Variants in SLC7A11 observed in about 807,000 individuals in gnomAD.
The protein encoded by SLC7A11 is cystine/glutamate transporter.
SLC7A11 carries 35 observed loss-of-function variants against 54.5 expected under a neutral mutation model. The observed-to-expected ratio is 0.64, with a 90% confidence interval of 0.49 to 0.85. SLC7A11 has a LOEUF of 0.85. Among genes scored for constraint, SLC7A11 ranks in the 40% least tolerant of loss-of-function variants. The pLI, the probability that SLC7A11 is intolerant of heterozygous loss-of-function variation, is 0.00. For synonymous variants in SLC7A11, 230 were observed against 225.2 expected, an observed-to-expected ratio of 1.02 and a Z score of -0.19; for missense variants, 583 against 618.1, an observed-to-expected ratio of 0.94 and a Z score of 0.60.
At chr4:138,228,904 A>T (rs1475395476) in intron 3 of SLC7A11, among the ~76,000 whole-genome samples, 1 of 152,136 alleles carries the variant, frequency 6.6e-6, no homozygotes, top group Admixed American at 6.5e-5. Flanking sequence ...AATTTGTATA[A>T]GCAAAAACTT....
intron 7 of SLC7A11, among the ~76,000 whole-genome samples, chr4:138,184,397 G>A (rs892960696): frequency 6.6e-6 from 1 of 152,080 alleles, no homozygotes; most frequent in Admixed American, 6.6e-5. Flanking sequence ...AAGAGTGAAT[G>A]GTCTCTTACT....
intron 6 of SLC7A11, among the ~76,000 whole-genome samples, chr4:138,207,985 A>G (rs534598236): frequency 2.6e-4 from 39 of 152,220 alleles, no homozygotes; most frequent in African/African-American, 8.9e-4. Flanking sequence ...GCAGCATCTG[A>G]ACTGAATGCA....
intron 6 of SLC7A11, among the ~76,000 whole-genome samples, chr4:138,196,431 A>C (rs1737133031): frequency 6.6e-6 from 1 of 152,170 alleles, no homozygotes; most frequent in Admixed American, 6.5e-5. Flanking sequence ...AGCACAAGGA[A>C]GACTCACTTC....
intron 6 of SLC7A11, among the ~76,000 whole-genome samples, chr4:138,191,103 G>C (rs1433482275): frequency 6.6e-6 from 1 of 152,154 alleles, no homozygotes; most frequent in African/African-American, 2.4e-5. Context: ...GCAAGAGAAA[G>C]AAAACATTCA....
rs1406647877 is a variant in SLC7A11, at chr4:138,183,187, C to G, written c.1019+15G>C. ...AAACAGAAATGTGTTTCTGGAAATACATGAACTCACTCACCTGGAGACAGC... is the reference window on the plus strand; with the variant it reads ...AAACAGAAATGTGTTTCTGGAAATAGATGAACTCACTCACCTGGAGACAGC... On this transcript the variant is annotated intron_variant, in intron 8 of 11. Coordinates refer to ENST00000280612, the MANE Select transcript of SLC7A11 (RefSeq NM_014331.4). The G allele has an allele frequency of 6.4e-7, 1 of 1,557,680 alleles. No homozygotes were observed. Among genetic ancestry groups the G allele is most frequent in the Non-Finnish European group, 8.8e-7 (1 of 1,130,460 alleles).
intron 6 of SLC7A11, among the ~76,000 whole-genome samples, chr4:138,204,264 ATTACT>A (rs1195481749): frequency 2.0e-5 from 3 of 152,062 alleles, no homozygotes; most frequent in Non-Finnish European, 4.4e-5. Context: ...GGCATGAGAA[ATTACT>A]TCACTACTCT....
chr4:138,207,190 T>C (rs1360969138), intron 6 of SLC7A11, among the ~76,000 whole-genome samples: 2 of 152,046 alleles, frequency 1.3e-5, no homozygotes, highest in Non-Finnish European at 1.5e-5. Flanking sequence ...TAAAAACATA[T>C]AACTTGAGTA....
rs1345785606 is a variant in SLC7A11, at chr4:138,241,776, G to A, written c.277+17C>T. On this transcript the variant is annotated intron_variant, in intron 1 of 11. Coordinates refer to ENST00000280612, the MANE Select transcript of SLC7A11 (RefSeq NM_014331.4). ...GCCCCACAGCCACGCCCCCACGAGA[G>A]AAAAAGTCGCACTCACCAAATAGTG... 1 of 1,590,812 alleles carries A rather than the reference G, an allele frequency of 6.3e-7. No individual in the cohort carries two copies.
At chr4:138,236,500 A>ACACC in intron 1 of SLC7A11, 49 bp from the exon 2 acceptor site, 1 of 1,548,752 alleles carries the variant, frequency 6.5e-7, no homozygotes, top group Non-Finnish European at 8.8e-7. Context: ...CATTTTCAAG[A>ACACC]CACCCAGCAT....
At chr4:138,179,180 T>A (rs1349716970) in intron 11 of SLC7A11, 37 bp downstream of exon 11, 1 of 1,398,404 alleles carries the variant, frequency 7.2e-7, no homozygotes, top group African/African-American at 1.4e-5. Flanking sequence ...TTCTACATGG[T>A]GTTGCACAAT....
chr4:138,210,801 T>C lies in SLC7A11; in HGVS notation c.791+3784A>G, dbSNP rs545339172. On this transcript the variant is annotated intron_variant, in intron 6 of 11. Transcript: ENST00000280612. Reference sequence around the variant, plus strand: ...AATGCTTATACACTGTTGGTGGGAATGTAAATTAGTTCAGCCTCTGTGGAA... The same window carrying C: ...AATGCTTATACACTGTTGGTGGGAACGTAAATTAGTTCAGCCTCTGTGGAA... Among the ~76,000 whole-genome samples the C allele has an allele frequency of 2.2e-4, 33 of 152,256 alleles. No individual in the cohort carries two copies. In the East Asian group the frequency reaches 6.2e-3, roughly 28 times the overall value.
intron 6 of SLC7A11, among the ~76,000 whole-genome samples, chr4:138,200,649 A>G (rs530623203): frequency 4.6e-5 from 7 of 152,166 alleles, no homozygotes; most frequent in Non-Finnish European, 8.8e-5. Flanking sequence ...ACTTATAAAT[A>G]TAGACAAATT....
intron 6 of SLC7A11, among the ~76,000 whole-genome samples, chr4:138,189,398 G>A (rs1369936841): frequency 2.6e-5 from 4 of 152,084 alleles, no homozygotes; most frequent in East Asian, 1.9e-4. Flanking sequence ...GGCTCAGAGA[G>A]GTTGAGTGAC....
In SLC7A11 at chr4:138,170,222, T is replaced by C. The variant is rs1391861182; in HGVS notation, c.*1734A>G. Reference sequence around the variant, plus strand: ...AAGTTCCACTATATATATATATATATATATATAAAAAGTGTGTGTGTGTGT... The same window carrying C: ...AAGTTCCACTATATATATATATATACATATATAAAAAGTGTGTGTGTGTGT... On this transcript the variant is annotated 3_prime_UTR_variant, in exon 12 of 12. Transcript: ENST00000280612. 3.1e-5 allele frequency: 4 copies of C among 130,184 alleles called. No homozygotes were observed. Among genetic ancestry groups the C allele is most frequent in the Admixed American group, 2.4e-4 (3 of 12,608 alleles). 8.1% of individuals were successfully genotyped at this position (130,184 alleles called of 1,614,324 possible).
At chr4:138,203,056 A>T (rs1737325304) in intron 6 of SLC7A11, among the ~76,000 whole-genome samples, 1 of 152,122 alleles carries the variant, frequency 6.6e-6, no homozygotes, top group South Asian at 2.1e-4. Context: ...CACACTTATA[A>T]GAAAAAGGAA....
chr4:138,214,489 G>T, intron 6 of SLC7A11, 96 bp downstream of exon 6: 1 of 621,530 alleles, frequency 1.6e-6, no homozygotes, highest in Non-Finnish European at 2.8e-6. Flanking sequence ...AGGTTGACTA[G>T]CCCACACTGA....
chr4:138,204,608 C>T (rs62324382), intron 6 of SLC7A11, among the ~76,000 whole-genome samples: 61,666 of 151,616 alleles, frequency 0.41, 13,444 homozygotes, highest in Middle Eastern at 0.6. Flanking sequence ...CTTGGTAAGA[C>T]AGTAAACCTA....
rs964287052 is a variant in SLC7A11, at chr4:138,183,055, T to A, written c.1019+147A>T. On this transcript the variant is annotated intron_variant, in intron 8 of 11. Transcript: ENST00000280612. ...TAATGGACAGAATAAAACGTGCTGT[T>A]GATACTTGGACCAATATTTCAATCT... The A allele has an allele frequency of 6.4e-6, 4 of 622,058 alleles. No homozygotes were observed. The Admixed American group carries it at 1.2e-4, about 18-fold the overall frequency. 38.5% of individuals were successfully genotyped at this position (622,058 alleles called of 1,614,324 possible).
chr4:138,228,353 G>A (rs1737991825), intron 3 of SLC7A11, among the ~76,000 whole-genome samples: 1 of 151,850 alleles, frequency 6.6e-6, no homozygotes, highest in African/African-American at 2.4e-5. Context: ...ATTATATAGG[G>A]TCCAATTTCA....
Sources: allele counts gnomAD v4.1 joint callset (sites outside exome capture counted in the v4.1 genomes callset), GRCh38; gene constraint gnomAD v4.1.1; transcripts MANE v1.5; gene names NCBI Gene and HGNC (gene_info 2026-07-23, HGNC 2026-07-21).